The following CHLSN variants were observed in gnomAD, a reference collection of about 807,000 sequenced individuals.
CHLSN encodes the protein cholesin, also known as protein cholesin.
chr7:1,108,465 C>T, the CHLSN span, among the ~76,000 whole-genome samples: 1 of 152,196 alleles, frequency 6.6e-6, no homozygotes, highest in South Asian at 2.1e-4. Context: ...CTATCTGCTG[C>T]GGACTCCACG....
the CHLSN span, among the ~76,000 whole-genome samples, chr7:1,114,301 C>T: frequency 3.3e-4 from 50 of 152,378 alleles, no homozygotes; most frequent in African/African-American, 4.6e-4. Flanking sequence ...CTAAGTGCCA[C>T]GATCTGTCAG....
chr7:984,952 ATC>A, the CHLSN span: 1 of 1,598,292 alleles, frequency 6.3e-7, no homozygotes, highest in Non-Finnish European at 8.5e-7. Flanking sequence ...GCCTACAGGC[ATC>A]TTCTTCTCAT....
chr7:1,033,729 G>C, the CHLSN span, among the ~76,000 whole-genome samples: 2 of 151,838 alleles, frequency 1.3e-5, no homozygotes, highest in Non-Finnish European at 2.9e-5. Flanking sequence ...GAGGTGAGGA[G>C]ACACCCAGGA....
At chr7:1,086,869 TAC>T in the CHLSN span, 1 of 152,234 alleles carries the variant, frequency 6.6e-6, no homozygotes, top group African/African-American at 2.4e-5. Context: ...TTCAAAACAT[TAC>T]AGAGGGAAAA....
chr7:1,085,633 G>T, the CHLSN span, among the ~76,000 whole-genome samples: 2 of 150,318 alleles, frequency 1.3e-5, no homozygotes, highest in Admixed American at 1.3e-4. Context: ...AGGAGTTCAA[G>T]ACCAGCCTTG....
At chr7:1,016,956 ACAG>A in the CHLSN span, among the ~76,000 whole-genome samples, 3 of 145,270 alleles carry the variant, frequency 2.1e-5, no homozygotes, top group East Asian at 5.9e-4. Flanking sequence ...ACGCCAGCGC[ACAG>A]CAGCACACGC....
At chr7:1,115,988 G>C in the CHLSN span, among the ~76,000 whole-genome samples, 59 of 123,156 alleles carry the variant, frequency 4.8e-4, 2 homozygotes, top group African/African-American at 1.7e-3. Context: ...GCAGCTCTAC[G>C]GACCGGCTTC....
At chr7:1,075,643 T>C in the CHLSN span, among the ~76,000 whole-genome samples, 2 of 148,870 alleles carry the variant, frequency 1.3e-5, no homozygotes, top group African/African-American at 4.9e-5. Context: ...GTAGGAGTCT[T>C]GCTCTGTCAC....
chr7:1,028,244 C>G, the CHLSN span: 1 of 1,093,816 alleles, frequency 9.1e-7, no homozygotes, highest in South Asian at 2.1e-5. Flanking sequence ...CGGGCCCTGG[C>G]CCCGCGCACT....
the CHLSN span, among the ~76,000 whole-genome samples, chr7:1,074,242 C>T: frequency 1.1e-5 from 1 of 87,998 alleles, no homozygotes; most frequent in South Asian, 4.4e-4. Context: ...GTCACTCCCC[C>T]GACCCCGCAC....
At chr7:1,001,388 CCTGTGGGTGGGGAGTCCT>C in the CHLSN span, among the ~76,000 whole-genome samples, 6 of 142,998 alleles carry the variant, frequency 4.2e-5, no homozygotes, top group African/African-American at 1.3e-4. Flanking sequence ...TGAGTGGAGT[CCTGTGGGTGGGGAGTCCT>C]GTGGGTGAGT....
chr7:1,001,984 T>C, the CHLSN span, among the ~76,000 whole-genome samples: 237 of 54,916 alleles, frequency 4.3e-3, 8 homozygotes, highest in African/African-American at 5.5e-3. Flanking sequence ...TGGAGTCCTG[T>C]GGGTGGGGAG....
the CHLSN span, among the ~76,000 whole-genome samples, chr7:1,055,741 T>C: frequency 1.3e-5 from 2 of 152,096 alleles, no homozygotes; most frequent in African/African-American, 4.8e-5. Context: ...TGTCAGTGAC[T>C]GGAGGCAGCA....
the CHLSN span, chr7:1,028,792 A>G: frequency 3.8e-6 from 3 of 785,968 alleles, no homozygotes; most frequent in African/African-American, 2.5e-5. Context: ...ATCTGTCCCT[A>G]TCGCTCCCCC....
chr7:1,061,505 C>T, the CHLSN span, among the ~76,000 whole-genome samples: 90 of 152,196 alleles, frequency 5.9e-4, no homozygotes, highest in African/African-American at 2.1e-3. Context: ...CATCCCCAGG[C>T]TCCCGCCAGT....
chr7:1,091,541 T>TC, the CHLSN span: 1 of 588,970 alleles, frequency 1.7e-6, no homozygotes. Context: ...CATCTGTTCT[T>TC]CCCACTCTCT....
the CHLSN span, among the ~76,000 whole-genome samples, chr7:1,111,704 A>G: frequency 3.3e-5 from 5 of 152,124 alleles, no homozygotes; most frequent in African/African-American, 1.2e-4. Flanking sequence ...TGGGAGGCTG[A>G]GGTGGGAGGA....
the CHLSN span, among the ~76,000 whole-genome samples, chr7:1,035,861 T>C: frequency 6.6e-6 from 1 of 152,248 alleles, no homozygotes; most frequent in African/African-American, 2.4e-5. Context: ...GTTTTATTCA[T>C]AACTGCCACA....
At chr7:1,002,438 CCTGT>C in the CHLSN span, among the ~76,000 whole-genome samples, 1 of 59,184 alleles carries the variant, frequency 1.7e-5, no homozygotes, top group African/African-American at 7.1e-5. Context: ...GGTGGGGAGT[CCTGT>C]GGGTGAGTGG....
Sources: allele counts gnomAD v4.1 joint callset (sites outside exome capture counted in the v4.1 genomes callset), GRCh38; gene constraint gnomAD v4.1.1; transcripts MANE v1.5; gene names NCBI Gene and HGNC (gene_info 2026-07-23, HGNC 2026-07-21).